ADARB1: variants seen among roughly 807,000 people sequenced by gnomAD.
The protein encoded by ADARB1 is adenosine deaminase RNA specific B1.
Under a neutral mutation model 52.4 loss-of-function variants are expected in ADARB1, and 10 were observed. The ratio of observed to expected loss-of-function variants is 0.19; its 90% CI spans 0.12 to 0.32. The LOEUF is 0.32. ADARB1 is among the 10% of genes least tolerant of loss of function. The pLI is 1.00. For missense variants in ADARB1, 643 were observed against 922.3 expected (o/e 0.70, Z 3.92); for synonymous variants, 349 against 371.1 (o/e 0.94, Z 0.68).
At chr21:45,080,173 T>A (rs1186252133) in intron 1 of ADARB1, among the ~76,000 whole-genome samples, 1 of 152,074 alleles carries the variant, frequency 6.6e-6, no homozygotes, top group African/African-American at 2.4e-5. Flanking sequence ...GGAACATCAG[T>A]GTAGACGACT....
intron 1 of ADARB1, among the ~76,000 whole-genome samples, chr21:45,102,226 A>G (rs937272222): frequency 6.6e-6 from 1 of 152,190 alleles, no homozygotes; most frequent in African/African-American, 2.4e-5. Context: ...CAGAATTTCT[A>G]TAATTATCTT....
At chr21:45,106,986 A>G (rs980178228) in intron 1 of ADARB1, among the ~76,000 whole-genome samples, 3 of 152,252 alleles carry the variant, frequency 2.0e-5, no homozygotes, top group African/African-American at 7.2e-5. Context: ...AAGAAGAAAT[A>G]AAACTACCTC....
At chr21:45,105,544 C>T (rs1485169365) in intron 1 of ADARB1, among the ~76,000 whole-genome samples, 1 of 152,218 alleles carries the variant, frequency 6.6e-6, no homozygotes, top group Non-Finnish European at 1.5e-5. Context: ...TCATCTGTTC[C>T]TTCTCAGATC....
chr21:45,223,545 G>C lies in ADARB1; in HGVS notation c.*1348G>C. The C allele has an allele frequency of 1.0e-6, 1 of 985,738 alleles. No homozygotes were observed. Among genetic ancestry groups the C allele is most frequent in the Non-Finnish European group, 1.2e-6 (1 of 830,156 alleles). 61.1% of individuals were successfully genotyped at this position (985,738 alleles called of 1,614,324 possible). ...GAGAAGTGCTCTGCCTGCCAGTGCA[G>C]TGCCCAGCTCCAAGGCTCTAGAGGG... On this transcript the variant is annotated 3_prime_UTR_variant, in exon 11 of 11. Transcript: ENST00000348831.
At chr21:45,099,489 A>G (rs896436215) in intron 1 of ADARB1, among the ~76,000 whole-genome samples, 3 of 142,256 alleles carry the variant, frequency 2.1e-5, no homozygotes, top group African/African-American at 5.2e-5. Flanking sequence ...ACATGGTGAA[A>G]CCCTATCTCT....
At chr21:45,133,089 G>A (rs1197296380) in intron 2 of ADARB1, among the ~76,000 whole-genome samples, 1 of 152,200 alleles carries the variant, frequency 6.6e-6, no homozygotes, top group Non-Finnish European at 1.5e-5. Flanking sequence ...AGCCTGGCTC[G>A]TTTCCCTGGT....
intron 1 of ADARB1, among the ~76,000 whole-genome samples, chr21:45,087,045 C>T (rs1171542824): frequency 2.0e-5 from 3 of 152,176 alleles, no homozygotes; most frequent in Non-Finnish European, 4.4e-5. Context: ...CTGTGTTGTG[C>T]ACACTATTAG....
intron 2 of ADARB1, among the ~76,000 whole-genome samples, chr21:45,158,753 C>CTGTCTGAGACCTGACAGTATGCTAGAA (rs2090803828): frequency 2.0e-5 from 3 of 152,198 alleles, no homozygotes; most frequent in Non-Finnish European, 4.4e-5. Context: ...ACTGCACAGG[C>CTGTCTGAGACCTGACAGTATGCTAGAA]TGTCTGAGAC....
At chr21:45,111,558 C>CGT (rs2087536979) in intron 1 of ADARB1, among the ~76,000 whole-genome samples, 1 of 152,194 alleles carries the variant, frequency 6.6e-6, no homozygotes, top group Non-Finnish European at 1.5e-5. Flanking sequence ...ATGGATCCAT[C>CGT]CTTACAGTAT....
Position 45,224,001 on chromosome 21 carries a change from G to A in ADARB1, c.*1804G>A, listed in dbSNP as rs561018288. On this transcript the variant is annotated 3_prime_UTR_variant, in exon 11 of 11. Transcript: ENST00000348831. ...TCTGCCGCTCCGTCACCACAGTGGGGTTTTGTTCAGGCAGATCGCGCTGGG... is the reference window on the plus strand; with the variant it reads ...TCTGCCGCTCCGTCACCACAGTGGGATTTTGTTCAGGCAGATCGCGCTGGG... 5.1e-6 allele frequency: 5 copies of A among 985,488 alleles called. No homozygotes were observed. In the South Asian group the frequency reaches 2.3e-4, roughly 46 times the overall value. 61.0% of individuals were successfully genotyped at this position (985,488 alleles called of 1,614,324 possible).
At chr21:45,108,767 GA>G (rs2145741119) in intron 1 of ADARB1, among the ~76,000 whole-genome samples, 1 of 2,370 alleles carries the variant, frequency 4.2e-4, no homozygotes, top group Non-Finnish European at 7.9e-4. Flanking sequence ...CACATGGCTG[GA>G]AGGTACCTGA....
At chr21:45,171,784 G>A in intron 3 of ADARB1, 100 bp downstream of exon 3, 1 of 1,103,058 alleles carries the variant, frequency 9.1e-7, no homozygotes, top group South Asian at 1.6e-5. Flanking sequence ...TGGGGATTGT[G>A]TTTTTTCCCG....
chr21:45,091,829 G>C (rs887920484), intron 1 of ADARB1, among the ~76,000 whole-genome samples: 1 of 152,172 alleles, frequency 6.6e-6, no homozygotes, highest in African/African-American at 2.4e-5. Context: ...CCGTGGGCTA[G>C]GCTGCGAAAT....
intron 1 of ADARB1, among the ~76,000 whole-genome samples, chr21:45,077,673 AAAAAAGAAAAG>A (rs1450625188): frequency 6.6e-6 from 1 of 152,072 alleles, no homozygotes; most frequent in Non-Finnish European, 1.5e-5. Flanking sequence ...TCTAAAAAAA[AAAAAAGAAAAG>A]AAAAAGAAAA....
intron 5 of ADARB1, among the ~76,000 whole-genome samples, chr21:45,180,985 A>C (rs1442395442): frequency 6.6e-6 from 1 of 152,184 alleles, no homozygotes; most frequent in African/African-American, 2.4e-5. Context: ...GAGTGAGAAC[A>C]CGCAGCAGCA....
chr21:45,192,133 A>G (rs1032931528), intron 8 of ADARB1, among the ~76,000 whole-genome samples: 4 of 151,992 alleles, frequency 2.6e-5, no homozygotes, highest in African/African-American at 9.7e-5. Flanking sequence ...TGGATCTATA[A>G]TTAGAGAATA....
chr21:45,143,381 C>G (rs1263463041), intron 2 of ADARB1, among the ~76,000 whole-genome samples: 1 of 152,246 alleles, frequency 6.6e-6, no homozygotes, highest in East Asian at 1.9e-4. Context: ...GCAGCTCCTT[C>G]CTTCCAGGCT....
At chr21:45,126,441 C>T (rs111812981) in intron 1 of ADARB1, among the ~76,000 whole-genome samples, 3,818 of 152,238 alleles carry the variant, frequency 0.025, 165 homozygotes, top group African/African-American at 0.087. Flanking sequence ...AAAAAGACTC[C>T]GGTGTTTTTG....
At chr21:45,139,529 A>G (rs1316144389) in intron 2 of ADARB1, among the ~76,000 whole-genome samples, 1 of 152,144 alleles carries the variant, frequency 6.6e-6, no homozygotes, top group Non-Finnish European at 1.5e-5. Context: ...AGAGTGGGGA[A>G]TGGAGTTGAG....
Sources: gnomAD v4.1 joint callset for allele counts (sites outside exome capture counted in the v4.1 genomes callset) on GRCh38, gnomAD v4.1.1 for gene constraint, MANE v1.5 for transcripts, NCBI Gene and HGNC (gene_info 2026-07-23, HGNC 2026-07-21) for gene names.